The following MLLT10 variants were observed in gnomAD, a reference collection of about 807,000 sequenced individuals.
The protein encoded by MLLT10 is MLLT10 histone lysine methyltransferase DOT1L cofactor.
A neutral mutation model predicts 129.1 loss-of-function variants in MLLT10; 30 were observed. That is an observed-to-expected ratio of 0.23 (90% CI 0.17 to 0.32). The LOEUF (loss-of-function observed/expected upper bound fraction) is 0.32, where lower values mean the gene tolerates loss of function less well. Ranked by LOEUF, MLLT10 falls within the 10% of genes least tolerant of loss-of-function variation. MLLT10 has a pLI of 1.00. For missense variants in MLLT10, 1,119 were observed against 1,268.3 expected (o/e 0.88, Z 1.79); for synonymous variants, 490 against 446.4 (o/e 1.10, Z -1.23).
chr10:21,726,167 C>G (rs762572729), intron 14 of MLLT10, 77 bp from the exon 15 acceptor site: 1 of 942,632 alleles, frequency 1.1e-6, no homozygotes, highest in Non-Finnish European at 1.6e-6. Flanking sequence ...AATATAATTA[C>G]TAGATCTATT....
chr10:21,724,136 G>A (rs2057317550), intron 14 of MLLT10, among the ~76,000 whole-genome samples: 1 of 152,200 alleles, frequency 6.6e-6, no homozygotes, highest in Admixed American at 6.5e-5. Context: ...GGACTGAAGA[G>A]TACCAACTTA....
chr10:21,643,956 C>G (rs1010141617), intron 8 of MLLT10, among the ~76,000 whole-genome samples: 1 of 152,122 alleles, frequency 6.6e-6, no homozygotes, highest in Non-Finnish European at 1.5e-5. Context: ...ATTTGCATTA[C>G]TGTGATTATT....
intron 13 of MLLT10, among the ~76,000 whole-genome samples, chr10:21,702,982 A>G (rs1313204266): frequency 2.6e-5 from 4 of 151,644 alleles, no homozygotes; most frequent in African/African-American, 7.3e-5. Context: ...GTTGTTTTGT[A>G]TATTCTTTCT....
At chr10:21,559,400 G>A (rs550396828) in intron 3 of MLLT10, among the ~76,000 whole-genome samples, 1 of 152,214 alleles carries the variant, frequency 6.6e-6, no homozygotes, top group South Asian at 2.1e-4. Flanking sequence ...TTTATATATA[G>A]TTTTGAATTT....
At chr10:21,593,891 AG>A (rs1346945225) in intron 4 of MLLT10, among the ~76,000 whole-genome samples, 5 of 135,550 alleles carry the variant, frequency 3.7e-5, no homozygotes, top group African/African-American at 1.4e-4. Context: ...ATGCCAGTGC[AG>A]TCCAGCCTGG....
chr10:21,574,385 A>C (rs555321756), intron 3 of MLLT10, among the ~76,000 whole-genome samples: 2 of 152,262 alleles, frequency 1.3e-5, no homozygotes, highest in South Asian at 4.1e-4. Flanking sequence ...GCAGATTGTC[A>C]ACTTTTTAGG....
chr10:21,637,295 T>C (rs1465430747), intron 8 of MLLT10, among the ~76,000 whole-genome samples: 1 of 152,206 alleles, frequency 6.6e-6, no homozygotes, highest in Non-Finnish European at 1.5e-5. Context: ...GGATGCATAT[T>C]TACAGGATAG....
At chr10:21,624,757 G>C in intron 8 of MLLT10, 2 of 1,175,306 alleles carry the variant, frequency 1.7e-6, no homozygotes, top group Non-Finnish European at 2.5e-6. Flanking sequence ...CAGGTTGGTT[G>C]TAAGCATCTG....
At chr10:21,685,170 A>T (rs556401058) in intron 13 of MLLT10, among the ~76,000 whole-genome samples, 2 of 152,306 alleles carry the variant, frequency 1.3e-5, no homozygotes, top group African/African-American at 4.8e-5. Flanking sequence ...GAAACTTCAA[A>T]AAAAAGCTTT....
At chr10:21,542,059 CAAT>C (rs1329550202) in intron 3 of MLLT10, among the ~76,000 whole-genome samples, 2 of 151,854 alleles carry the variant, frequency 1.3e-5, no homozygotes, top group African/African-American at 2.4e-5. Context: ...TAAACACTGA[CAAT>C]GAGATGAGGC....
At chr10:21,550,216 T>A (rs1359727590) in intron 3 of MLLT10, among the ~76,000 whole-genome samples, 1 of 152,188 alleles carries the variant, frequency 6.6e-6, no homozygotes, top group African/African-American at 2.4e-5. Context: ...ATCCTTTAGA[T>A]AATAGATTTT....
At chr10:21,674,974 CAAAT>C (rs1363412247) in intron 11 of MLLT10, among the ~76,000 whole-genome samples, 3 of 151,756 alleles carry the variant, frequency 2.0e-5, no homozygotes, top group Admixed American at 6.6e-5. Flanking sequence ...AATAAACAAA[CAAAT>C]AAATAAACAA....
intron 14 of MLLT10, among the ~76,000 whole-genome samples, chr10:21,717,647 C>T (rs1283039343): frequency 7.8e-6 from 1 of 127,832 alleles, no homozygotes; most frequent in Non-Finnish European, 1.7e-5. Flanking sequence ...CCTTTTCCTC[C>T]TCCTCTTCCT....
chr10:21,690,089 T>G lies in MLLT10; in HGVS notation c.1699+7832T>G, dbSNP rs942528619. On this transcript the variant is annotated intron_variant, in intron 13 of 22. Coordinates refer to ENST00000307729, the MANE Select transcript of MLLT10 (RefSeq NM_001195626.3). Reference sequence around the variant, plus strand: ...TGAAACTAGGCCACTTAGGGGGTAGTAACTGAAACTCTGAGACTAGTATAG... The same window carrying G: ...TGAAACTAGGCCACTTAGGGGGTAGGAACTGAAACTCTGAGACTAGTATAG... Among the ~76,000 whole-genome samples, 4 of 152,002 alleles carry G rather than the reference T, an allele frequency of 2.6e-5. No individual in the cohort carries two copies. The South Asian group carries it at 8.3e-4, about 31-fold the overall frequency.
At chr10:21,644,267 C>T (rs2048281018) in intron 8 of MLLT10, among the ~76,000 whole-genome samples, 2 of 152,076 alleles carry the variant, frequency 1.3e-5, no homozygotes, top group South Asian at 4.1e-4. Context: ...TATTTTTTGC[C>T]TGTAGTTTCT....
chr10:21,536,302 G>A (rs2033988813), intron 2 of MLLT10, among the ~76,000 whole-genome samples: 1 of 152,094 alleles, frequency 6.6e-6, no homozygotes, highest in Non-Finnish European at 1.5e-5. Flanking sequence ...AATACAATGC[G>A]TGTCAAACCA....
chr10:21,579,401 T>G (rs1328639754), intron 3 of MLLT10, among the ~76,000 whole-genome samples: 2 of 152,144 alleles, frequency 1.3e-5, no homozygotes, highest in Non-Finnish European at 2.9e-5. Context: ...AGCCATCGTT[T>G]CTTCAAAATT....
intron 8 of MLLT10, among the ~76,000 whole-genome samples, chr10:21,631,669 A>G (rs2047025987): frequency 1.3e-5 from 2 of 152,126 alleles, no homozygotes; most frequent in African/African-American, 4.8e-5. Flanking sequence ...GGAGAGAGAA[A>G]ATGAAGAGGG....
intron 14 of MLLT10, among the ~76,000 whole-genome samples, chr10:21,722,865 T>C (rs1231051941): frequency 6.6e-6 from 1 of 152,178 alleles, no homozygotes; most frequent in African/African-American, 2.4e-5. Context: ...TTACCAACCT[T>C]AAAATGATGA....
Sources: gnomAD v4.1 joint callset for allele counts (sites outside exome capture counted in the v4.1 genomes callset) on GRCh38, gnomAD v4.1.1 for gene constraint, MANE v1.5 for transcripts, NCBI Gene and HGNC (gene_info 2026-07-23, HGNC 2026-07-21) for gene names.